Variants in WHR1 observed in about 807,000 individuals in gnomAD.
The protein encoded by WHR1 is winged helix repair factor 1.
the WHR1 span, chr6:31,980,680 C>G: frequency 1.2e-6 from 2 of 1,604,460 alleles, no homozygotes; most frequent in East Asian, 2.2e-5. Flanking sequence ...TAGCATGGTC[C>G]GGAAGGCAAA....
At chr6:31,971,855 C>A in the WHR1 span, 1 of 1,388,502 alleles carries the variant, frequency 7.2e-7, no homozygotes, top group Non-Finnish European at 9.6e-7. The surrounding 1 kb of genome is among the most constrained non-coding windows in gnomAD (Gnocchi z 4.5). Flanking sequence ...GCCCTTCACC[C>A]ACCCTCCCTC....
the WHR1 span, chr6:31,971,582 C>A: frequency 1.9e-6 from 3 of 1,613,992 alleles, no homozygotes; most frequent in Non-Finnish European, 2.5e-6. The surrounding 1 kb of genome is among the most constrained non-coding windows in gnomAD (Gnocchi z 4.5). Context: ...AGGGCAGGGT[C>A]TGTGGGCAGA....
chr6:31,975,156 G>A, the WHR1 span, among the ~76,000 whole-genome samples: 1 of 151,066 alleles, frequency 6.6e-6, no homozygotes, highest in South Asian at 2.1e-4. Flanking sequence ...TGATCAGAAT[G>A]TCCCTGGGAG....
At chr6:31,978,279 C>T in the WHR1 span, among the ~76,000 whole-genome samples, 1 of 151,738 alleles carries the variant, frequency 6.6e-6, no homozygotes, top group Non-Finnish European at 1.5e-5. Context: ...GGTGTCTGCC[C>T]CCACGCCTGG....
the WHR1 span, among the ~76,000 whole-genome samples, chr6:31,974,778 CAAA>C: frequency 6.6e-6 from 1 of 151,896 alleles, no homozygotes; most frequent in Non-Finnish European, 1.5e-5. Context: ...AAAACAACAA[CAAA>C]AAAACCCAGA....
chr6:31,971,211 G>T, the WHR1 span: 1 of 1,577,938 alleles, frequency 6.3e-7, no homozygotes, highest in Non-Finnish European at 8.6e-7. This position sits in a 1 kb window ranked among gnomAD's most constrained non-coding sequence, Gnocchi z 4.5. Context: ...TCCCCTCGAA[G>T]AATAGTCTTG....
At chr6:31,980,726 G>A in the WHR1 span, 9 of 1,609,000 alleles carry the variant, frequency 5.6e-6, 1 homozygote, top group African/African-American at 5.4e-5. Context: ...CTCCTGGGCC[G>A]GCGGGCGCCT....
chr6:31,974,105 A>G, the WHR1 span, among the ~76,000 whole-genome samples: 5 of 151,960 alleles, frequency 3.3e-5, no homozygotes, highest in Admixed American at 6.6e-5. Context: ...GCAACATGAC[A>G]TAACCCCATC....
the WHR1 span, chr6:31,972,094 A>G: frequency 6.2e-7 from 1 of 1,613,120 alleles, no homozygotes; most frequent in Non-Finnish European, 8.5e-7. This position sits in a 1 kb window ranked among gnomAD's most constrained non-coding sequence, Gnocchi z 6.3. Context: ...TTCACGAAGG[A>G]GGTTGACACC....
At chr6:31,979,672 T>G in the WHR1 span, 1 of 1,380,744 alleles carries the variant, frequency 7.2e-7, no homozygotes, top group Non-Finnish European at 9.8e-7. Flanking sequence ...GCCAAAAAGC[T>G]GACTCTTCTT....
At chr6:31,976,036 G>T in the WHR1 span, among the ~76,000 whole-genome samples, 10 of 147,558 alleles carry the variant, frequency 6.8e-5, no homozygotes, top group East Asian at 2.1e-4. Flanking sequence ...GGGCGGGGGG[G>T]GCTGACCCCA....
At chr6:31,972,694 C>T in the WHR1 span, 1 of 1,613,822 alleles carries the variant, frequency 6.2e-7, no homozygotes, top group Non-Finnish European at 8.5e-7. This position sits in a 1 kb window ranked among gnomAD's most constrained non-coding sequence, Gnocchi z 6.3. Context: ...CGCTGCCGCC[C>T]ATCGTGCTGA....
At chr6:31,980,698 G>A in the WHR1 span, 1 of 1,608,218 alleles carries the variant, frequency 6.2e-7, no homozygotes, top group Non-Finnish European at 8.5e-7. Flanking sequence ...AAAGTACCGG[G>A]AACTGCTCCT....
chr6:31,972,058 C>T, the WHR1 span: 1 of 1,612,500 alleles, frequency 6.2e-7, no homozygotes, highest in Non-Finnish European at 8.5e-7. The surrounding 1 kb of genome is among the most constrained non-coding windows in gnomAD (Gnocchi z 6.3). Flanking sequence ...CGGGCAAACC[C>T]CTCCCGGGGC....
At chr6:31,979,677 C>G in the WHR1 span, 2 of 1,344,756 alleles carry the variant, frequency 1.5e-6, no homozygotes, top group Admixed American at 2.3e-5. Context: ...AAAGCTGACT[C>G]TTCTTGTTAA....
chr6:31,973,218 GGA>G, the WHR1 span: 1 of 353,252 alleles, frequency 2.8e-6, no homozygotes, highest in East Asian at 7.2e-5. Context: ...GGGAGGGAGA[GGA>G]GAGTGAGGAA....
At chr6:31,972,195 C>T in the WHR1 span, 3 of 1,611,828 alleles carry the variant, frequency 1.9e-6, no homozygotes, top group South Asian at 2.2e-5. The surrounding 1 kb of genome is among the most constrained non-coding windows in gnomAD (Gnocchi z 6.3). Flanking sequence ...GCGTGGGGCC[C>T]GGCCTGGCGG....
the WHR1 span, chr6:31,971,929 C>T: frequency 1.3e-6 from 2 of 1,544,086 alleles, no homozygotes; most frequent in Non-Finnish European, 1.8e-6. The surrounding 1 kb of genome is among the most constrained non-coding windows in gnomAD (Gnocchi z 4.5). Context: ...ATCCAGTTAC[C>T]TCAAAGCTCC....
the WHR1 span, among the ~76,000 whole-genome samples, chr6:31,973,783 G>A: frequency 6.6e-6 from 1 of 152,070 alleles, no homozygotes; most frequent in Non-Finnish European, 1.5e-5. Flanking sequence ...AAATTACGTG[G>A]GCTGCTTGTT....
Sources: gnomAD v4.1 joint callset for allele counts (sites outside exome capture counted in the v4.1 genomes callset) on GRCh38, gnomAD v4.1.1 for gene constraint, Gnocchi (gnomAD v3.1) non-coding constraint, MANE v1.5 for transcripts, NCBI Gene and HGNC (gene_info 2026-07-23, HGNC 2026-07-21) for gene names.